Variants in ZNF438 observed in about 807,000 individuals in gnomAD.
The protein encoded by ZNF438 is zinc finger protein 438.
Under a neutral mutation model 38.0 loss-of-function variants are expected in ZNF438, and 25 were observed. The observed-to-expected ratio is 0.66, with a 90% CI of 0.48 to 0.92. The LOEUF (loss-of-function observed/expected upper bound fraction) is 0.92, where lower values mean the gene tolerates loss of function less well. Ranked by LOEUF, ZNF438 falls within the 40% of genes least tolerant of loss-of-function variation. The pLI, the probability that ZNF438 is intolerant of heterozygous loss-of-function variation, is 0.00. For missense variants in ZNF438, 1,007 were observed against 999.6 expected (o/e 1.01, Z -0.10); for synonymous variants, 372 against 364.1 (o/e 1.02, Z -0.25).
At chr10:30,852,842 G>A (rs892778916) in intron 4 of ZNF438, among the ~76,000 whole-genome samples, 19 of 152,086 alleles carry the variant, frequency 1.2e-4, no homozygotes, top group African/African-American at 4.1e-4. Flanking sequence ...TAAATTGAGT[G>A]GTAAATCACT....
chr10:30,921,420 T>C (rs534952142), intron 2 of ZNF438, among the ~76,000 whole-genome samples: 6 of 152,346 alleles, frequency 3.9e-5, no homozygotes, highest in African/African-American at 9.6e-5. Flanking sequence ...CCTATCCTTT[T>C]CTTAAAAGTC....
exon 5 of ZNF438, chr10:30,848,574 T>C: frequency 6.2e-7 from 1 of 1,614,152 alleles, no homozygotes; most frequent in Non-Finnish European, 8.5e-7. Flanking sequence ...ATGTCTCTGT[T>C]CTTTGGTATG....
At chr10:30,963,392 C>CAAAA (rs753557823) in intron 1 of ZNF438, among the ~76,000 whole-genome samples, 18 of 86,018 alleles carry the variant, frequency 2.1e-4, no homozygotes, top group South Asian at 4.0e-4. Flanking sequence ...AACTCCATCT[C>CAAAA]AAAAAAAAAA....
chr10:30,945,483 C>T (rs534296424), intron 1 of ZNF438, among the ~76,000 whole-genome samples: 18 of 151,456 alleles, frequency 1.2e-4, no homozygotes, highest in African/African-American at 2.4e-4. Flanking sequence ...ACATGTGCCA[C>T]GCTGGTGCGC....
At position 30,988,399 on chromosome 10, in the gene ZNF438, T is replaced by C. The variant is rs905168592; in HGVS notation, c.-192+43434A>G. 5.9e-5 allele frequency among the ~76,000 whole-genome samples: 9 copies of C among 152,226 alleles called. No homozygotes were observed. The East Asian group carries it at 1.2e-3, about 20-fold the overall frequency. On this transcript the variant is annotated intron_variant, in intron 1 of 5. Coordinates refer to ENST00000413025, the Ensembl canonical transcript of ZNF438. ...TTAAAGATAAAATACAACCGTATTT[T>C]TAAAATTTTTTTTCCAGGAAAATAC...
intron 4 of ZNF438, chr10:30,857,661 AT>A: frequency 6.7e-7 from 1 of 1,494,352 alleles, no homozygotes; most frequent in Non-Finnish European, 9.1e-7. Context: ...ATATTTTTAT[AT>A]TTGAATTTGC....
chr10:30,891,737 GA>G (rs1431761084), intron 3 of ZNF438, among the ~76,000 whole-genome samples: 1 of 152,116 alleles, frequency 6.6e-6, no homozygotes, highest in African/African-American at 2.4e-5. Context: ...GTTAAGTCTA[GA>G]AAGACTCACG....
At chr10:30,957,109 A>G (rs1296074583) in intron 1 of ZNF438, among the ~76,000 whole-genome samples, 2 of 152,142 alleles carry the variant, frequency 1.3e-5, no homozygotes, top group Admixed American at 1.3e-4. Context: ...TGATAATCTC[A>G]TTACTGTTTT....
chr10:30,928,529 A>T (rs2045232967), intron 2 of ZNF438, among the ~76,000 whole-genome samples: 1 of 152,054 alleles, frequency 6.6e-6, no homozygotes, highest in African/African-American at 2.4e-5. Context: ...AATAGGACCC[A>T]AACTTTGTCA....
At chr10:30,949,114 C>A (rs1387482221) in intron 1 of ZNF438, among the ~76,000 whole-genome samples, 1 of 152,064 alleles carries the variant, frequency 6.6e-6, no homozygotes, top group Non-Finnish European at 1.5e-5. Context: ...TTAAAGACAA[C>A]AATTTTCAAC....
At chr10:30,864,080 T>G (rs1182211324) in intron 4 of ZNF438, among the ~76,000 whole-genome samples, 1 of 152,192 alleles carries the variant, frequency 6.6e-6, no homozygotes, top group African/African-American at 2.4e-5. Context: ...TTTTTGACAT[T>G]GACTTCGTGG....
intron 4 of ZNF438, chr10:30,875,474 T>A: frequency 3.0e-6 from 3 of 984,774 alleles, no homozygotes; most frequent in Non-Finnish European, 3.6e-6. Context: ...CTGATACTTG[T>A]TCCATTATTT....
intron 4 of ZNF438, among the ~76,000 whole-genome samples, chr10:30,875,900 T>C (rs566427172): frequency 6.8e-4 from 104 of 152,374 alleles, no homozygotes; most frequent in African/African-American, 2.5e-3. Flanking sequence ...ATATTAATAA[T>C]AGCCATTGAG....
intron 1 of ZNF438, among the ~76,000 whole-genome samples, chr10:30,947,609 T>G (rs1013709802): frequency 1.7e-4 from 26 of 152,140 alleles, no homozygotes; most frequent in Non-Finnish European, 3.1e-4. Context: ...CAATGGCGGG[T>G]GCCCCTCTCC....
At chr10:30,854,462 T>C (rs4749624) in intron 4 of ZNF438, among the ~76,000 whole-genome samples, 118,109 of 152,082 alleles carry the variant, frequency 0.78, 46,672 homozygotes, top group African/African-American at 0.9. Flanking sequence ...ATTTTTAAAG[T>C]GGTAATAGAG....
At chr10:30,955,736 AG>A (rs1202727187) in intron 1 of ZNF438, among the ~76,000 whole-genome samples, 1 of 152,346 alleles carries the variant, frequency 6.6e-6, no homozygotes, top group African/African-American at 2.4e-5. Flanking sequence ...GAGCTAAATG[AG>A]ACTTGCTGTT....
intron 2 of ZNF438, among the ~76,000 whole-genome samples, chr10:30,929,382 C>T (rs1221568916): frequency 2.0e-5 from 3 of 152,060 alleles, no homozygotes; most frequent in African/African-American, 7.2e-5. Flanking sequence ...TGCAGACCTT[C>T]GCAGTGAGTG....
chr10:30,897,200 G>C (rs187612120), intron 3 of ZNF438, among the ~76,000 whole-genome samples: 3 of 152,230 alleles, frequency 2.0e-5, no homozygotes, highest in Admixed American at 2.0e-4. Flanking sequence ...CTGTATATCT[G>C]GGTAGTTTTT....
intron 1 of ZNF438, among the ~76,000 whole-genome samples, chr10:30,985,543 G>A (rs1030841875): frequency 1.3e-5 from 2 of 152,236 alleles, no homozygotes; most frequent in Admixed American, 6.5e-5. Context: ...TCCAATAATG[G>A]TTTGATGATT....
Sources: allele counts gnomAD v4.1 joint callset (sites outside exome capture counted in the v4.1 genomes callset), GRCh38; gene constraint gnomAD v4.1.1; transcripts MANE v1.5; gene names NCBI Gene and HGNC (gene_info 2026-07-23, HGNC 2026-07-21).